RHOH: variants seen among roughly 807,000 people sequenced by gnomAD.
RHOH encodes the protein ras homolog family member H, also known as rho-related GTP-binding protein RhoH.
In RHOH, 6 loss-of-function variants were observed where a neutral mutation model predicts 13.8. That is an observed-to-expected ratio of 0.44 (90% CI 0.24 to 0.86). The LOEUF (loss-of-function observed/expected upper bound fraction) is 0.86, where lower values mean the gene tolerates loss of function less well. Among genes scored for constraint, RHOH ranks in the 40% least tolerant of loss-of-function variants. RHOH has a pLI of 0.24. For missense variants in RHOH, 147 were observed against 244.5 expected (o/e 0.60, Z 2.66); for synonymous variants, 117 against 103.0 (o/e 1.14, Z -0.82).
chr4:40,244,471 G>A lies in RHOH; in HGVS notation c.*509G>A, dbSNP rs76928924. The A allele has an allele frequency of 0.027, 5,827 of 216,500 alleles. 303 individuals are homozygous for A. The highest frequency in any genetic ancestry group is 0.11 in the African/African-American group (4,925 of 43,742). The allele number at this position is 216,500 out of a possible 1,614,324, so 13.4% of individuals were successfully genotyped here. On this transcript the variant is annotated 3_prime_UTR_variant, in exon 3 of 3. Transcript: ENST00000381799. ...GTAGAAAGTCTGTTGAAACCACTTG[G>A]CTGCTGGATTTAAATGGGTAATCAA...
chr4:40,227,297 A>C (rs146199044), intron 1 of RHOH, among the ~76,000 whole-genome samples: 6 of 152,254 alleles, frequency 3.9e-5, no homozygotes, highest in African/African-American at 9.6e-5. Context: ...ATAATTTGGC[A>C]TGTCTATCTA....
chr4:40,220,607 TA>T (rs920578658), intron 1 of RHOH, among the ~76,000 whole-genome samples: 15 of 150,124 alleles, frequency 1.0e-4, no homozygotes, highest in Admixed American at 1.3e-4. Context: ...ATTAACTAAG[TA>T]AAAAAAAAAA....
Position 40,244,370 on chromosome 4 carries a change from A to C in RHOH, c.*408A>C, listed in dbSNP as rs1053509. ...AAAATCTTTTCCTACATCCTCGAAA[A>C]CATAAACTCCTCTGTGAGTGAAATG... On this transcript the variant is annotated 3_prime_UTR_variant, in exon 3 of 3. Coordinates refer to ENST00000381799, the MANE Select transcript of RHOH (RefSeq NM_004310.5). The C allele has an allele frequency of 0.49, 112,994 of 231,976 alleles. 30,041 individuals carry two copies. Among genetic ancestry groups the C allele is most frequent in the Non-Finnish European group, 0.58 (62,924 of 108,398 alleles). The allele number at this position is 231,976 out of a possible 1,614,324, so 14.4% of individuals were successfully genotyped here. A position where few individuals can be genotyped will look rare whatever the true frequency, so the allele number is the denominator to read the frequency against.
At chr4:40,225,174 C>T (rs1727070726) in intron 1 of RHOH, among the ~76,000 whole-genome samples, 5 of 152,082 alleles carry the variant, frequency 3.3e-5, no homozygotes, top group Admixed American at 2.6e-4. Context: ...AGTGCACTGG[C>T]GAAATCGGCT....
intron 1 of RHOH, among the ~76,000 whole-genome samples, chr4:40,199,409 G>A (rs1172156590): frequency 6.6e-6 from 1 of 152,136 alleles, no homozygotes; most frequent in Admixed American, 6.5e-5. Flanking sequence ...GGGAATTAAC[G>A]TTTTTTGAGC....
intron 1 of RHOH, among the ~76,000 whole-genome samples, chr4:40,216,725 A>G (rs1455185852): frequency 6.6e-6 from 1 of 152,228 alleles, no homozygotes; most frequent in African/African-American, 2.4e-5. Context: ...AGTGACAATC[A>G]AATCTATGAT....
rs183807109 is a variant in RHOH at position 40,230,111 on chromosome 4, C to T, written c.-330-12603C>T. ...CCAGGCTGGAGTGCAGTGGCACGAT[C>T]CCCCCTCACTGCGACCTCTGCCTCC... On this transcript the variant is annotated intron_variant, in intron 1 of 2. Coordinates refer to ENST00000381799, the MANE Select transcript of RHOH (RefSeq NM_004310.5). Among the ~76,000 whole-genome samples, 122 of 152,168 alleles carry T rather than the reference C, an allele frequency of 8.0e-4. 1 individual carries two copies. Among genetic ancestry groups the T allele is most frequent in the Admixed American group, 1.7e-3 (26 of 15,296 alleles).
chr4:40,216,550 T>TTTAGGC (rs1413449466), intron 1 of RHOH, among the ~76,000 whole-genome samples: 2 of 152,248 alleles, frequency 1.3e-5, no homozygotes, highest in African/African-American at 4.8e-5. Context: ...TTTATTTCTC[T>TTTAGGC]AAGTGTCAGT....
intron 1 of RHOH, among the ~76,000 whole-genome samples, chr4:40,212,505 G>C (rs1478482091): frequency 6.6e-6 from 1 of 152,134 alleles, no homozygotes; most frequent in Admixed American, 6.6e-5. Context: ...TTAATGCCCA[G>C]GAAGATATAT....
upstream of RHOH, among the ~76,000 whole-genome samples, chr4:40,192,313 G>T (rs1049362038): frequency 1.3e-5 from 2 of 152,182 alleles, no homozygotes; most frequent in African/African-American, 4.8e-5. Context: ...TGGCATAAAT[G>T]AGGGTCTGTG....
rs747738779 is a variant in RHOH, at chr4:40,243,775, G to A, written c.389G>A (p.Cys130Tyr). The change falls in exon 3 of 3, where the codon TGC becomes TAC. Residue 130 changes from cysteine (C) to tyrosine (Y), a missense_variant. Around this residue, in one of 3 missense-constraint regions of RHOH, gnomAD observed 36 missense variants for 30.7 expected, o/e 1.17. Transcript: ENST00000381799. The surrounding 1 kb of genome is among the most constrained non-coding windows in gnomAD (Gnocchi z 6.2). ...QREMGPHRAS[C>Y]VNAMEGKKLA... ...GAGATGGGGCCCCACAGGGCCTCCT[G>A]CGTCAATGCCATGGAAGGGAAGAAA... 6.2e-7 allele frequency: 1 copy of A among 1,614,068 alleles called. No individual in the cohort carries two copies. The highest frequency in any genetic ancestry group is 8.5e-7 in the Non-Finnish European group (1 of 1,180,030).
At chr4:40,191,894 T>C (rs1560672405), upstream of RHOH, among the ~76,000 whole-genome samples, 1 of 151,562 alleles carries the variant, frequency 6.6e-6, no homozygotes, top group African/African-American at 2.4e-5. Context: ...AGAGGGAAGC[T>C]AGAAGATGTT....
intron 1 of RHOH, among the ~76,000 whole-genome samples, chr4:40,223,867 G>A (rs770297532): frequency 6.7e-6 from 1 of 149,352 alleles, no homozygotes; most frequent in Non-Finnish European, 1.5e-5. Context: ...CTGCCTCCTG[G>A]GTTCAAGCAA....
At chr4:40,209,375 T>C (rs940185211) in intron 1 of RHOH, 11 of 152,234 alleles carry the variant, frequency 7.2e-5, no homozygotes, top group African/African-American at 2.2e-4. Flanking sequence ...AAATATAAAA[T>C]ATTCAAGTGA....
intron 1 of RHOH, among the ~76,000 whole-genome samples, chr4:40,206,461 G>T (rs1285124357): frequency 6.6e-6 from 1 of 152,154 alleles, no homozygotes; most frequent in African/African-American, 2.4e-5. Flanking sequence ...AATATATTTA[G>T]AGTCAAATTT....
intron 1 of RHOH, among the ~76,000 whole-genome samples, chr4:40,199,565 C>G: frequency 6.6e-6 from 1 of 152,198 alleles, no homozygotes; most frequent in Non-Finnish European, 1.5e-5. Context: ...CTCTCAGTAT[C>G]CGCTGCATTA....
At chr4:40,228,782 A>G (rs1232744680) in intron 1 of RHOH, among the ~76,000 whole-genome samples, 1 of 152,240 alleles carries the variant, frequency 6.6e-6, no homozygotes, top group Non-Finnish European at 1.5e-5. Context: ...AAGAACCCCC[A>G]GGGCAGAGGG....
At chr4:40,220,591 G>A (rs75237966) in intron 1 of RHOH, among the ~76,000 whole-genome samples, 3,936 of 152,006 alleles carry the variant, frequency 0.026, 89 homozygotes, top group Middle Eastern at 0.045. Flanking sequence ...GAGGATCAGA[G>A]ACATTATTAA....
In RHOH at chr4:40,230,011, T is replaced by C. The variant is rs117409384; in HGVS notation, c.-330-12703T>C. Among the ~76,000 whole-genome samples the C allele has an allele frequency of 5.4e-3, 825 of 152,282 alleles. 22 individuals carry two copies. The highest frequency in any genetic ancestry group is 0.042 in the South Asian group (203 of 4,826). ...ATGTCATCTAATACCCAGGCCATAT[T>C]CATATTTATTTGAATATCTAAAAGA... On this transcript the variant is annotated intron_variant, in intron 1 of 2. Coordinates refer to ENST00000381799, the MANE Select transcript of RHOH (RefSeq NM_004310.5).
Sources: gnomAD v4.1 joint callset for allele counts (sites outside exome capture counted in the v4.1 genomes callset) on GRCh38, gnomAD v4.1.1 for gene constraint, gnomAD v4.1.1 regional missense constraint, Gnocchi (gnomAD v3.1) non-coding constraint, MANE v1.5 for transcripts, NCBI Gene and HGNC (gene_info 2026-07-23, HGNC 2026-07-21) for gene names.